The following KLHL29 variants were observed in gnomAD, a reference collection of about 807,000 sequenced individuals.
KLHL29 encodes the protein kelch like family member 29.
A neutral mutation model predicts 80.4 loss-of-function variants in KLHL29; 21 were observed. The observed-to-expected ratio is 0.26, with a 90% confidence interval of 0.19 to 0.38. KLHL29 has a LOEUF of 0.38. Among genes scored for constraint, KLHL29 ranks in the 10% least tolerant of loss-of-function variants. The probability of loss-of-function intolerance (pLI) is 1.00; values close to 1 mark genes in which losing one functional copy is unlikely to be tolerated. For missense variants in KLHL29, 867 were observed against 1,223.9 expected (o/e 0.71, Z 4.35); for synonymous variants, 511 against 526.8 (o/e 0.97, Z 0.41).
At position 23,455,003 on chromosome 2, in the gene KLHL29, G is replaced by GT. The variant is rs545260337; in HGVS notation, c.-153-20557_-153-20556insT. On this transcript the variant is annotated intron_variant, in intron 1 of 13. Transcript: ENST00000486442. ...TCGTAGAAACAGGAACAGTGGGTTG[G>GT]GGGGGGGGCATTTATTTCTCTCGCA... 1.1e-3 allele frequency among the ~76,000 whole-genome samples: 152 copies of GT among 136,624 alleles called. No individual in the cohort carries two copies. In the South Asian group the frequency reaches 0.013, roughly 12 times the overall value. 89.6% of individuals were successfully genotyped at this position (136,624 alleles called of 152,430 possible).
chr2:23,649,042 G>C (rs1459772308), intron 5 of KLHL29, among the ~76,000 whole-genome samples: 1 of 152,230 alleles, frequency 6.6e-6, no homozygotes, highest in Non-Finnish European at 1.5e-5. Flanking sequence ...AATATTAGCT[G>C]TTGTTATGAC....
chr2:23,455,525 TAAG>T (rs1225894238), intron 1 of KLHL29, among the ~76,000 whole-genome samples: 1 of 152,016 alleles, frequency 6.6e-6, no homozygotes, highest in Admixed American at 6.6e-5. Context: ...CTTTCTGCTC[TAAG>T]AAGTTTCCCT....
chr2:23,597,671 C>T (rs1004364797), intron 3 of KLHL29, among the ~76,000 whole-genome samples: 15 of 151,842 alleles, frequency 9.9e-5, no homozygotes, highest in Admixed American at 2.0e-4. Context: ...GTGATCTGCC[C>T]GCCTTGGCCT....
chr2:23,595,932 C>A (rs1195608309), intron 3 of KLHL29, among the ~76,000 whole-genome samples: 2 of 152,222 alleles, frequency 1.3e-5, no homozygotes, highest in Admixed American at 6.5e-5. Flanking sequence ...CTCCTGCATC[C>A]CCATCCCATC....
At chr2:23,404,642 G>A (rs1445289831) in intron 1 of KLHL29, among the ~76,000 whole-genome samples, 1 of 152,220 alleles carries the variant, frequency 6.6e-6, no homozygotes, top group African/African-American at 2.4e-5. Context: ...GGGGGAAGGA[G>A]AGTGTTCTGC....
chr2:23,646,815 T>C (rs1487553586), intron 5 of KLHL29, among the ~76,000 whole-genome samples: 1 of 152,232 alleles, frequency 6.6e-6, no homozygotes, highest in East Asian at 1.9e-4. Context: ...GCTGTGTGAC[T>C]GGGACAAGCC....
chr2:23,525,726 G>GCCCCCCCCCCCCCCC (rs746729913), intron 2 of KLHL29, among the ~76,000 whole-genome samples: 1 of 62,590 alleles, frequency 1.6e-5, no homozygotes, highest in Non-Finnish European at 2.9e-5. Flanking sequence ...CCCAGCCCCT[G>GCCCCCCCCCCCCCCC]CCCCCCCCCC....
intron 1 of KLHL29, among the ~76,000 whole-genome samples, chr2:23,425,828 T>A (rs1222252657): frequency 2.0e-5 from 3 of 152,186 alleles, no homozygotes; most frequent in African/African-American, 7.2e-5. Flanking sequence ...TTGTGAGCAC[T>A]GGAAGGACCA....
At chr2:23,655,767 G>A (rs186268987) in intron 5 of KLHL29, among the ~76,000 whole-genome samples, 13 of 152,266 alleles carry the variant, frequency 8.5e-5, no homozygotes, top group South Asian at 2.1e-4. Flanking sequence ...GGTGGTCCCC[G>A]GGCTCCAGTA....
Position 23,670,814 on chromosome 2 carries a change from G to C in KLHL29, c.941-13585G>C, listed in dbSNP as rs1482117716. 2.0e-5 allele frequency among the ~76,000 whole-genome samples: 3 copies of C among 151,856 alleles called. No homozygotes were observed. The East Asian group carries it at 5.8e-4, about 30-fold the overall frequency. ...AGGTTGGGCAGGAGGGGTGGGCCCA[G>C]AGAACCAGGGGCAGACCTGGTTCTT... On this transcript the variant is annotated intron_variant, in intron 5 of 13. Coordinates refer to ENST00000486442, the MANE Select transcript of KLHL29 (RefSeq NM_052920.2).
intron 2 of KLHL29, among the ~76,000 whole-genome samples, chr2:23,495,789 GTC>G: frequency 1.3e-5 from 2 of 152,342 alleles, no homozygotes; most frequent in Middle Eastern, 6.8e-3. Flanking sequence ...CACTGGGAGA[GTC>G]TAATCCCGCC....
At chr2:23,460,535 G>T (rs1204383927) in intron 1 of KLHL29, among the ~76,000 whole-genome samples, 1 of 152,082 alleles carries the variant, frequency 6.6e-6, no homozygotes, top group Non-Finnish European at 1.5e-5. Flanking sequence ...AAACAAGAAT[G>T]GGGTGAAAAT....
chr2:23,452,153 A>G (rs889591608), intron 1 of KLHL29, among the ~76,000 whole-genome samples: 7 of 151,738 alleles, frequency 4.6e-5, no homozygotes, highest in Admixed American at 2.0e-4. Flanking sequence ...CTGGGACCAC[A>G]AGCATGTCCC....
At chr2:23,408,003 C>T (rs1666772955) in intron 1 of KLHL29, among the ~76,000 whole-genome samples, 1 of 151,808 alleles carries the variant, frequency 6.6e-6, no homozygotes, top group African/African-American at 2.4e-5. Flanking sequence ...CTCCACCTCC[C>T]GGTTCAAGTG....
chr2:23,604,619 G>A (rs1250248966), intron 3 of KLHL29, among the ~76,000 whole-genome samples: 1 of 152,204 alleles, frequency 6.6e-6, no homozygotes, highest in Non-Finnish European at 1.5e-5. Flanking sequence ...TGTCCTGAGA[G>A]CTCAGGCCCC....
At chr2:23,439,519 C>T (rs1663448662) in intron 1 of KLHL29, among the ~76,000 whole-genome samples, 1 of 151,106 alleles carries the variant, frequency 6.6e-6, no homozygotes, top group Admixed American at 6.6e-5. Context: ...TGTCTTTGTT[C>T]TCGTTGGTTT....
rs72796138 is a variant in KLHL29 at position 23,703,363 on chromosome 2, C to A, written c.2283C>A (p.Ile761=). 2 of 1,510,638 alleles carry A rather than the reference C, an allele frequency of 1.3e-6. No individual in the cohort carries two copies. Among genetic ancestry groups the A allele is most frequent in the Non-Finnish European group, 1.8e-6 (2 of 1,130,964 alleles). 93.6% of individuals were successfully genotyped at this position (1,510,638 alleles called of 1,614,324 possible). A position where few individuals can be genotyped will look rare whatever the true frequency, so the allele number is the denominator to read the frequency against. ...CTCAGACCAACACGTGGAGCTTCAT[C>A]GAGTCCCCAATGATTGGTGAGAACC... ...YVPQTNTWSF[I]ESPMIDNKYA... The change falls in exon 12 of 14, where the codon ATC becomes ATA. Residue 761 remains isoleucine, a synonymous_variant. Transcript: ENST00000486442.
intron 5 of KLHL29, among the ~76,000 whole-genome samples, chr2:23,666,099 A>G (rs142090285): frequency 0.014 from 2,089 of 152,326 alleles, 25 homozygotes; most frequent in Middle Eastern, 0.031. Context: ...GGAAAAACTC[A>G]TTCTATGCAT....
intron 1 of KLHL29, among the ~76,000 whole-genome samples, chr2:23,400,776 A>G (rs578075252): frequency 2.0e-5 from 3 of 152,300 alleles, no homozygotes; most frequent in South Asian, 2.1e-4. Context: ...TAAGGGTGCA[A>G]TGAGCCAAGA....
Sources: gnomAD v4.1 joint callset for allele counts (sites outside exome capture counted in the v4.1 genomes callset) on GRCh38, gnomAD v4.1.1 for gene constraint, MANE v1.5 for transcripts, NCBI Gene and HGNC (gene_info 2026-07-23, HGNC 2026-07-21) for gene names.